Variants in AGBL4 observed in about 807,000 individuals in gnomAD.
The protein encoded by AGBL4 is cytosolic carboxypeptidase 6.
AGBL4 carries 58 observed loss-of-function variants against 66.4 expected under a neutral mutation model. The ratio of observed to expected loss-of-function variants is 0.87; its 90% CI spans 0.71 to 1.09. AGBL4 has a LOEUF of 1.09. Among genes scored for constraint, AGBL4 ranks in the 50% least tolerant of loss-of-function variants. The probability of loss-of-function intolerance (pLI) is 0.00; values close to 1 mark genes in which losing one functional copy is unlikely to be tolerated. For missense variants in AGBL4, 579 were observed against 631.0 expected, an observed-to-expected ratio of 0.92 and a Z score of 0.88; for synonymous variants, 234 against 222.9, an observed-to-expected ratio of 1.05 and a Z score of -0.44.
intron 4 of AGBL4, among the ~76,000 whole-genome samples, chr1:49,153,617 A>G (rs2148124963): frequency 6.6e-6 from 1 of 151,464 alleles, no homozygotes; most frequent in Admixed American, 6.6e-5. Context: ...AATATTTCAA[A>G]CCACTAGGCA....
At chr1:49,177,267 T>C (rs1018157739) in intron 4 of AGBL4, among the ~76,000 whole-genome samples, 1 of 152,180 alleles carries the variant, frequency 6.6e-6, no homozygotes, top group African/African-American at 2.4e-5. Context: ...TACTGTACTG[T>C]AGAAACATAG....
At chr1:49,903,962 A>G (rs1208222544) in intron 1 of AGBL4, among the ~76,000 whole-genome samples, 1 of 152,196 alleles carries the variant, frequency 6.6e-6, no homozygotes, top group Admixed American at 6.5e-5. Context: ...AATAACTTCC[A>G]TACATAAAAG....
chr1:48,556,339 T>C (rs1362291814), intron 11 of AGBL4, among the ~76,000 whole-genome samples: 1 of 152,200 alleles, frequency 6.6e-6, no homozygotes, highest in Non-Finnish European at 1.5e-5. Context: ...TCTGTCTGAC[T>C]GACTGCCTCC....
intron 2 of AGBL4, among the ~76,000 whole-genome samples, chr1:49,699,192 T>A (rs1225518107): frequency 6.6e-6 from 1 of 152,072 alleles, no homozygotes; most frequent in Non-Finnish European, 1.5e-5. Context: ...CTAGATAGTA[T>A]CAAACATATA....
chr1:49,085,921 C>A (rs531211354), intron 4 of AGBL4, among the ~76,000 whole-genome samples: 2 of 152,278 alleles, frequency 1.3e-5, no homozygotes, highest in African/African-American at 4.8e-5. Context: ...GGCCCCAGAG[C>A]AGATCAGCGT....
intron 3 of AGBL4, among the ~76,000 whole-genome samples, chr1:49,633,890 TGTAATA>T (rs1329826353): frequency 8.7e-6 from 1 of 115,406 alleles, no homozygotes; most frequent in Non-Finnish European, 2.2e-5. Flanking sequence ...AATATATTAT[TGTAATA>T]TATAATATAT....
intron 4 of AGBL4, among the ~76,000 whole-genome samples, chr1:49,149,726 T>C (rs1030238595): frequency 1.3e-5 from 2 of 152,210 alleles, no homozygotes; most frequent in Non-Finnish European, 2.9e-5. Context: ...AGTAATGATG[T>C]AACCAGTGTT....
chr1:48,853,953 C>T (rs1301444675), intron 6 of AGBL4, among the ~76,000 whole-genome samples: 1 of 152,168 alleles, frequency 6.6e-6, no homozygotes, highest in Non-Finnish European at 1.5e-5. Flanking sequence ...CTTATCTCCT[C>T]TCAAACCTCA....
At chr1:49,854,117 T>G (rs1025860901) in intron 1 of AGBL4, among the ~76,000 whole-genome samples, 8 of 151,862 alleles carry the variant, frequency 5.3e-5, no homozygotes, top group African/African-American at 1.9e-4. Flanking sequence ...TATGGAAAAG[T>G]AAAATATATT....
chr1:49,805,132 G>C (rs1644948002), intron 2 of AGBL4, among the ~76,000 whole-genome samples: 1 of 152,170 alleles, frequency 6.6e-6, no homozygotes, highest in Non-Finnish European at 1.5e-5. Context: ...CAAACATAAA[G>C]AAGTGGCCAA....
At chr1:49,622,034 A>G (rs926267566) in intron 3 of AGBL4, among the ~76,000 whole-genome samples, 1 of 152,234 alleles carries the variant, frequency 6.6e-6, no homozygotes, top group African/African-American at 2.4e-5. Context: ...TGCTAGATCC[A>G]AGTCCCATTG....
chr1:49,661,917 T>C (rs1646276695), intron 3 of AGBL4, among the ~76,000 whole-genome samples: 1 of 152,026 alleles, frequency 6.6e-6, no homozygotes, highest in Non-Finnish European at 1.5e-5. Flanking sequence ...ACAACCCAAA[T>C]GTCTATCAAC....
chr1:49,359,942 G>T (rs971073609), intron 3 of AGBL4, among the ~76,000 whole-genome samples: 2 of 152,140 alleles, frequency 1.3e-5, no homozygotes, highest in African/African-American at 4.8e-5. Context: ...AGAGGTGGTT[G>T]GTGACCCTTG....
chr1:49,583,296 G>A (rs555633482), intron 3 of AGBL4, among the ~76,000 whole-genome samples: 1 of 152,252 alleles, frequency 6.6e-6, no homozygotes, highest in East Asian at 1.9e-4. Flanking sequence ...AACTCCATGT[G>A]GACACAGAAG....
chr1:49,200,212 T>C (rs780903037), intron 4 of AGBL4, among the ~76,000 whole-genome samples: 2 of 152,154 alleles, frequency 1.3e-5, no homozygotes, highest in African/African-American at 4.8e-5. Flanking sequence ...CTCCTTTCCA[T>C]GTTTTCCCAC....
intron 3 of AGBL4, among the ~76,000 whole-genome samples, chr1:49,692,875 A>T (rs186067310): frequency 6.6e-6 from 1 of 152,280 alleles, no homozygotes; most frequent in East Asian, 1.9e-4. Flanking sequence ...TTCTTTTTTT[A>T]AAATCTCCTA....
intron 3 of AGBL4, among the ~76,000 whole-genome samples, chr1:49,376,256 A>T (rs1039715309): frequency 1.5e-4 from 23 of 151,956 alleles, no homozygotes. Flanking sequence ...CTGCCCTTCC[A>T]GATCTATTTT....
chr1:49,368,430 A>ACAC (rs1644280927), intron 3 of AGBL4, among the ~76,000 whole-genome samples: 1 of 152,214 alleles, frequency 6.6e-6, no homozygotes, highest in Non-Finnish European at 1.5e-5. Flanking sequence ...AGCACTTTAT[A>ACAC]CACCTTTTCT....
At chr1:49,538,811 A>G (rs570676625) in intron 3 of AGBL4, among the ~76,000 whole-genome samples, 191 of 152,324 alleles carry the variant, frequency 1.3e-3, no homozygotes, top group Non-Finnish European at 2.4e-3. Context: ...AAGGATTTGG[A>G]TAAACAGTTA....
Sources: allele counts gnomAD v4.1 joint callset (sites outside exome capture counted in the v4.1 genomes callset), GRCh38; gene constraint gnomAD v4.1.1; transcripts MANE v1.5; gene names NCBI Gene and HGNC (gene_info 2026-07-23, HGNC 2026-07-21).